SBF2: variants seen among roughly 807,000 people sequenced by gnomAD.
SBF2 encodes the protein SET binding factor 2, also known as myotubularin-related protein 13.
A neutral mutation model predicts 225.2 loss-of-function variants in SBF2; 112 were observed. The ratio of observed to expected loss-of-function variants is 0.50; its 90% CI spans 0.43 to 0.58. The LOEUF is 0.58. Ranked by LOEUF, SBF2 falls within the 20% of genes least tolerant of loss-of-function variation. The probability of loss-of-function intolerance (pLI) is 0.00; values close to 1 mark genes in which losing one functional copy is unlikely to be tolerated. For synonymous variants in SBF2, 763 were observed against 773.3 expected (o/e 0.99, Z 0.22); for missense variants, 1,996 against 2,206.2 (o/e 0.90, Z 1.91).
intron 1 of SBF2, among the ~76,000 whole-genome samples, chr11:10,206,025 T>C (rs1163599881): frequency 6.6e-6 from 1 of 151,864 alleles, no homozygotes; most frequent in East Asian, 1.9e-4. Flanking sequence ...GTAGTCTCTT[T>C]GTCCTCATGA....
intron 32 of SBF2, 90 bp downstream of exon 32, chr11:9,807,910 G>T: frequency 8.9e-7 from 1 of 1,122,158 alleles, no homozygotes; most frequent in Non-Finnish European, 1.3e-6. Flanking sequence ...TGACAGGAAG[G>T]TACCGGGCAC....
At chr11:10,293,900 G>A (rs1243070937) in intron 1 of SBF2, 115 bp downstream of exon 1, 5 of 757,554 alleles carry the variant, frequency 6.6e-6, no homozygotes, top group African/African-American at 5.5e-5. Context: ...CCGCTCCTCC[G>A]AGACTCGGCC....
chr11:9,967,947 G>GTCTGTC (rs57976016), intron 14 of SBF2, among the ~76,000 whole-genome samples: 39 of 100,250 alleles, frequency 3.9e-4, no homozygotes, highest in Middle Eastern at 6.0e-3. Context: ...CTGTCTGTCT[G>GTCTGTC]TCTCTCTCTC....
chr11:10,069,484 T>C lies in SBF2; in HGVS notation c.142-26503A>G, dbSNP rs1950774536. On this transcript the variant is annotated intron_variant, in intron 2 of 39. Coordinates refer to ENST00000256190, the MANE Select transcript of SBF2 (RefSeq NM_030962.4). ...TTCATCCATGTACCTGCAAAGGACATGAACTCATCCTTTTTTATGGCTGCA... is the reference window on the plus strand; with the variant it reads ...TTCATCCATGTACCTGCAAAGGACACGAACTCATCCTTTTTTATGGCTGCA... Among the ~76,000 whole-genome samples, 3 of 152,326 alleles carry C rather than the reference T, an allele frequency of 2.0e-5. No individual in the cohort carries two copies. In the South Asian group the frequency reaches 6.2e-4, roughly 32 times the overall value.
chr11:9,914,830 C>T (rs943024339), intron 16 of SBF2, among the ~76,000 whole-genome samples: 5 of 147,412 alleles, frequency 3.4e-5, no homozygotes, highest in African/African-American at 1.3e-4. Flanking sequence ...AAAATGCGCA[C>T]TTTGGGTCAC....
At chr11:10,131,125 T>C (rs1351641220) in intron 2 of SBF2, among the ~76,000 whole-genome samples, 1 of 152,194 alleles carries the variant, frequency 6.6e-6, no homozygotes, top group South Asian at 2.1e-4. Context: ...AGAGCAACTA[T>C]ACTATTTTAC....
At chr11:9,892,179 C>T (rs1321624551) in intron 17 of SBF2, among the ~76,000 whole-genome samples, 5 of 150,918 alleles carry the variant, frequency 3.3e-5, no homozygotes, top group Non-Finnish European at 4.4e-5. Context: ...AGTGCAGTGG[C>T]GTGATCTCGG....
intron 1 of SBF2, among the ~76,000 whole-genome samples, chr11:10,226,150 C>T (rs1038665038): frequency 3.9e-5 from 6 of 152,008 alleles, no homozygotes; most frequent in African/African-American, 1.4e-4. Flanking sequence ...ACAATAAAGG[C>T]TATTCATTTT....
At chr11:9,822,166 G>A (rs1854790458) in intron 28 of SBF2, among the ~76,000 whole-genome samples, 2 of 151,664 alleles carry the variant, frequency 1.3e-5, no homozygotes, top group Non-Finnish European at 2.9e-5. Flanking sequence ...ATTTTTTAAA[G>A]ATGAAGACAC....
intron 32 of SBF2, among the ~76,000 whole-genome samples, chr11:9,798,381 G>A (rs996919715): frequency 6.6e-6 from 1 of 152,170 alleles, no homozygotes; most frequent in Admixed American, 6.5e-5. Flanking sequence ...TGATGGAGAG[G>A]GGGGTTACTC....
intron 6 of SBF2, among the ~76,000 whole-genome samples, chr11:10,026,174 C>A (rs954242543): frequency 6.6e-6 from 1 of 152,028 alleles, no homozygotes; most frequent in Non-Finnish European, 1.5e-5. Flanking sequence ...CTCTCCTCCC[C>A]CCTCACAACT....
chr11:9,899,468 C>CA (rs1189385014), intron 16 of SBF2, among the ~76,000 whole-genome samples: 1 of 148,376 alleles, frequency 6.7e-6, no homozygotes, highest in African/African-American at 2.5e-5. Context: ...CATGCCGTGA[C>CA]ACCCCAGCCT....
chr11:10,147,204 G>T (rs182895585), intron 2 of SBF2, among the ~76,000 whole-genome samples: 1 of 152,116 alleles, frequency 6.6e-6, no homozygotes, highest in South Asian at 2.1e-4. Flanking sequence ...TTGACCCAGC[G>T]ATCCCATTAG....
At chr11:10,028,424 G>T in intron 6 of SBF2, 28 bp downstream of exon 6, 1 of 1,329,342 alleles carries the variant, frequency 7.5e-7, no homozygotes, top group South Asian at 1.2e-5. Flanking sequence ...TCTACAAGAT[G>T]ACATTGAAAA....
intron 33 of SBF2, among the ~76,000 whole-genome samples, chr11:9,794,795 T>C (rs1220724348): frequency 4.6e-5 from 7 of 151,466 alleles, no homozygotes; most frequent in Admixed American, 1.3e-4. Context: ...AGGTTTCTGA[T>C]TGTGATGTGA....
intron 2 of SBF2, among the ~76,000 whole-genome samples, chr11:10,146,449 C>T (rs1354418786): frequency 6.6e-6 from 1 of 151,758 alleles, no homozygotes; most frequent in Non-Finnish European, 1.5e-5. Flanking sequence ...TTGAACAAAG[C>T]CGACAAAAAA....
intron 16 of SBF2, among the ~76,000 whole-genome samples, chr11:9,919,175 T>C (rs1863373265): frequency 6.6e-6 from 1 of 152,120 alleles, no homozygotes; most frequent in Non-Finnish European, 1.5e-5. Flanking sequence ...TTTATACCAC[T>C]ATTGTTAGAA....
chr11:10,115,171 C>T (rs927076236), intron 2 of SBF2, among the ~76,000 whole-genome samples: 29 of 151,982 alleles, frequency 1.9e-4, no homozygotes, highest in African/African-American at 6.5e-4. Flanking sequence ...AATTAACATT[C>T]CTTTAGATGT....
chr11:10,262,201 C>CA (rs1293924636), intron 1 of SBF2, among the ~76,000 whole-genome samples: 3 of 151,754 alleles, frequency 2.0e-5, no homozygotes, highest in Non-Finnish European at 2.9e-5. Flanking sequence ...GAAATACATC[C>CA]AAAAAAAGAT....
Sources: allele counts gnomAD v4.1 joint callset (sites outside exome capture counted in the v4.1 genomes callset), GRCh38; gene constraint gnomAD v4.1.1; transcripts MANE v1.5; gene names NCBI Gene and HGNC (gene_info 2026-07-23, HGNC 2026-07-21).